The following FARS2 variants were observed in gnomAD, a reference collection of about 807,000 sequenced individuals.
The protein encoded by FARS2 is phenylalanine--tRNA ligase, mitochondrial.
Under a neutral mutation model 46.4 loss-of-function variants are expected in FARS2, and 40 were observed. The observed-to-expected ratio is 0.86, with a 90% CI of 0.67 to 1.12. FARS2 has a LOEUF of 1.12. FARS2 is among the 50% of genes most tolerant of loss of function. The pLI is 0.00. For missense variants in FARS2, 513 were observed against 567.9 expected (o/e 0.90, Z 0.98); for synonymous variants, 234 against 214.9 (o/e 1.09, Z -0.78).
At chr6:5,739,637 C>T (rs1482296264) in intron 6 of FARS2, among the ~76,000 whole-genome samples, 1 of 152,236 alleles carries the variant, frequency 6.6e-6, no homozygotes, top group Non-Finnish European at 1.5e-5. Context: ...TAGCAGCGAT[C>T]ACTTTGCTTC....
intron 4 of FARS2, among the ~76,000 whole-genome samples, chr6:5,529,964 C>T (rs12209234): frequency 0.23 from 35,214 of 152,156 alleles, 5,094 homozygotes; most frequent in Non-Finnish European, 0.32. Flanking sequence ...ATGTGAGTTC[C>T]GGCAGGCCAC....
intron 1 of FARS2, among the ~76,000 whole-genome samples, chr6:5,287,249 G>T (rs1767186188): frequency 6.6e-6 from 1 of 152,210 alleles, no homozygotes; most frequent in Admixed American, 6.5e-5. Context: ...AGCTCTGTTT[G>T]TGGGGAACTG....
chr6:5,600,407 A>G (rs927092985), intron 5 of FARS2, among the ~76,000 whole-genome samples: 51 of 152,330 alleles, frequency 3.3e-4, no homozygotes, highest in African/African-American at 1.2e-3. Flanking sequence ...TGCTCCTGGT[A>G]CTCAGTGAAA....
chr6:5,336,170 T>G (rs2127584883), intron 1 of FARS2, among the ~76,000 whole-genome samples: 1 of 152,284 alleles, frequency 6.6e-6, no homozygotes, highest in Non-Finnish European at 1.5e-5. Context: ...ATTTTTATTT[T>G]TCAGATACTA....
intron 6 of FARS2, among the ~76,000 whole-genome samples, chr6:5,684,062 G>C (rs1259077583): frequency 1.3e-5 from 2 of 152,158 alleles, no homozygotes; most frequent in East Asian, 3.8e-4. Flanking sequence ...GCTCAAAATA[G>C]CAGTTTTATA....
chr6:5,652,997 A>T (rs899701339), intron 6 of FARS2, among the ~76,000 whole-genome samples: 1 of 152,206 alleles, frequency 6.6e-6, no homozygotes, highest in Non-Finnish European at 1.5e-5. Flanking sequence ...AGAGAGAGAC[A>T]AAGTGTGTGT....
chr6:5,610,036 T>C (rs1482895935), intron 5 of FARS2: 1 of 945,296 alleles, frequency 1.1e-6, no homozygotes, highest in Non-Finnish European at 1.7e-6. Context: ...CCAAAGCCCC[T>C]GGAGCAATTG....
At chr6:5,666,214 T>C (rs1221101968) in intron 6 of FARS2, among the ~76,000 whole-genome samples, 3 of 152,216 alleles carry the variant, frequency 2.0e-5, no homozygotes, top group Non-Finnish European at 2.9e-5. Context: ...AGTAACTCCC[T>C]CAACTAACTT....
At chr6:5,597,569 G>A (rs1774268503) in intron 5 of FARS2, among the ~76,000 whole-genome samples, 1 of 152,190 alleles carries the variant, frequency 6.6e-6, no homozygotes, top group South Asian at 2.1e-4. Flanking sequence ...TTCTCCAGCA[G>A]CACTCCAAAC....
intron 6 of FARS2, among the ~76,000 whole-genome samples, chr6:5,682,071 T>C (rs868351778): frequency 9.2e-5 from 14 of 152,196 alleles, no homozygotes; most frequent in African/African-American, 2.4e-5. Context: ...TTGTTTAGCA[T>C]TTCTACTCTC....
intron 6 of FARS2, among the ~76,000 whole-genome samples, chr6:5,634,280 C>A (rs896706171): frequency 6.6e-6 from 1 of 152,092 alleles, no homozygotes; most frequent in Non-Finnish European, 1.5e-5. Context: ...ACAAAAGATA[C>A]AAAACCAATT....
At chr6:5,479,782 A>G (rs1766337617) in intron 4 of FARS2, among the ~76,000 whole-genome samples, 1 of 152,196 alleles carries the variant, frequency 6.6e-6, no homozygotes, top group Non-Finnish European at 1.5e-5. Flanking sequence ...TTACAACTTA[A>G]TTGTATGGTT....
chr6:5,418,246 C>T (rs1762351262), intron 3 of FARS2, among the ~76,000 whole-genome samples: 3 of 152,050 alleles, frequency 2.0e-5, no homozygotes, highest in Admixed American at 6.5e-5. Context: ...TTTTGCATGC[C>T]TGGTAATTTA....
chr6:5,348,302 C>G (rs999939665), intron 1 of FARS2, among the ~76,000 whole-genome samples: 16 of 151,792 alleles, frequency 1.1e-4, no homozygotes, highest in African/African-American at 3.1e-4. Flanking sequence ...GGTCACTAGT[C>G]TTTACATTTA....
At position 5,306,143 on chromosome 6, in the gene FARS2, T is replaced by C. The variant is rs565549015; in HGVS notation, c.-22+44483T>C. ...CATGAACTTTGAGCTTCTTGATTTA[T>C]CTTGTGTGACTGAAATCTAAACGTC... is the stretch of plus-strand genomic sequence containing the variant. On this transcript the variant is annotated intron_variant, in intron 1 of 6. Transcript: ENST00000274680. 2.9e-4 allele frequency among the ~76,000 whole-genome samples: 44 copies of C among 152,306 alleles called. 1 individual carries two copies. Among genetic ancestry groups the C allele is most frequent in the African/African-American group, 1.0e-3 (42 of 41,578 alleles).
chr6:5,526,367 C>T (rs926178521), intron 4 of FARS2, among the ~76,000 whole-genome samples: 1 of 152,198 alleles, frequency 6.6e-6, no homozygotes, highest in African/African-American at 2.4e-5. Flanking sequence ...ACAACTCCCT[C>T]TAGTAAAAAG....
intron 6 of FARS2, among the ~76,000 whole-genome samples, chr6:5,741,547 A>G (rs1294974122): frequency 6.6e-6 from 1 of 152,122 alleles, no homozygotes; most frequent in East Asian, 1.9e-4. Context: ...CTTCCACGGG[A>G]CCACTCCCAT....
intron 5 of FARS2, among the ~76,000 whole-genome samples, chr6:5,582,761 A>G (rs193221003): frequency 4.0e-4 from 61 of 152,374 alleles, no homozygotes; most frequent in African/African-American, 1.4e-3. Context: ...TACAAAGTTA[A>G]AAAATTTTTG....
At chr6:5,473,955 C>T (rs1407697529) in intron 4 of FARS2, among the ~76,000 whole-genome samples, 1 of 152,218 alleles carries the variant, frequency 6.6e-6, no homozygotes, top group East Asian at 1.9e-4. Context: ...TAGAACACCA[C>T]TCCAGAAACC....
Sources: gnomAD v4.1 joint callset for allele counts (sites outside exome capture counted in the v4.1 genomes callset) on GRCh38, gnomAD v4.1.1 for gene constraint, MANE v1.5 for transcripts, NCBI Gene and HGNC (gene_info 2026-07-23, HGNC 2026-07-21) for gene names.